Variants in MASP1 observed in about 807,000 individuals in gnomAD.
MASP1 encodes the protein mannan-binding lectin serine protease 1.
A neutral mutation model predicts 77.1 loss-of-function variants in MASP1; 59 were observed. The ratio of observed to expected loss-of-function variants is 0.77; its 90% CI spans 0.62 to 0.95. MASP1 has a LOEUF of 0.95. Among genes scored for constraint, MASP1 ranks in the 40% least tolerant of loss-of-function variants. The probability of loss-of-function intolerance (pLI) is 0.00; values close to 1 mark genes in which losing one functional copy is unlikely to be tolerated. For synonymous variants in MASP1, 362 were observed against 354.5 expected (o/e 1.02, Z -0.24); for missense variants, 885 against 912.9 (o/e 0.97, Z 0.39).
intron 4 of MASP1, among the ~76,000 whole-genome samples, 177 bp from the exon 5 acceptor site, chr3:187,257,037 C>T (rs903185966): frequency 3.9e-5 from 6 of 151,984 alleles, no homozygotes; most frequent in South Asian, 2.1e-4. Flanking sequence ...AGTAATTTAC[C>T]GAGCTGAGAT....
chr3:187,241,595 G>T, intron 9 of MASP1, 40 bp from the exon 10 acceptor site: 1 of 1,354,298 alleles, frequency 7.4e-7, no homozygotes, highest in Non-Finnish European at 1.1e-6. Context: ...GGGAGAAAAT[G>T]GTTGATTTGT....
chr3:187,287,790 G>T (rs1318212019), intron 1 of MASP1, among the ~76,000 whole-genome samples: 7 of 152,172 alleles, frequency 4.6e-5, no homozygotes, highest in Admixed American at 3.9e-4. Flanking sequence ...TGATATATTT[G>T]CTAATCAGGA....
At chr3:187,226,341 G>C in intron 12 of MASP1, 1 of 1,185,620 alleles carries the variant, frequency 8.4e-7, no homozygotes, top group East Asian at 2.5e-5. Flanking sequence ...GCCTTGGAAA[G>C]GGCCAGTAGG....
intron 13 of MASP1, chr3:187,223,261 G>A (rs1204072723): frequency 1.6e-6 from 2 of 1,232,832 alleles, no homozygotes; most frequent in African/African-American, 3.0e-5. Flanking sequence ...GGTGCAGCTT[G>A]CAGCTCCATC....
chr3:187,228,536 CTTG>C (rs1712572141), intron 11 of MASP1, among the ~76,000 whole-genome samples: 1 of 152,140 alleles, frequency 6.6e-6, no homozygotes, highest in African/African-American at 2.4e-5. Flanking sequence ...ACCTCCTCCT[CTTG>C]TTGTATTGTT....
Position 187,234,172 on chromosome 3 carries a change from T to A in MASP1, c.*1512A>T. 7.8e-7 allele frequency: 1 copy of A among 1,287,218 alleles called. No individual in the cohort carries two copies. The allele number at this position is 1,287,218 out of a possible 1,614,324, so 79.7% of individuals were successfully genotyped here. A position where few individuals can be genotyped will look rare whatever the true frequency, so the allele number is the denominator to read the frequency against. On this transcript the variant is annotated 3_prime_UTR_variant, in exon 11 of 11. Transcript: ENST00000296280. ...CTTTACAGAATGGTGAAGCATATGATATAAAAGATACAAAATATAACATCA... is the reference window on the plus strand; with the variant it reads ...CTTTACAGAATGGTGAAGCATATGAAATAAAAGATACAAAATATAACATCA...
chr3:187,232,379 T>C (rs1286084783), downstream of MASP1, among the ~76,000 whole-genome samples: 1 of 152,164 alleles, frequency 6.6e-6, no homozygotes, highest in South Asian at 2.1e-4. Context: ...CATGTGCTGA[T>C]GAACTTCAAA....
intron 3 of MASP1, 63 bp downstream of exon 3, chr3:187,262,480 A>T: frequency 1.3e-6 from 2 of 1,527,702 alleles, no homozygotes; most frequent in South Asian, 2.2e-5. Context: ...AGAGGTCACA[A>T]GGCAGTTTTC....
intron 14 of MASP1, among the ~76,000 whole-genome samples, chr3:187,221,615 A>G (rs1484544981): frequency 6.6e-6 from 1 of 152,220 alleles, no homozygotes; most frequent in Non-Finnish European, 1.5e-5. Context: ...TTGTACAAAG[A>G]GGAGAGGCAG....
chr3:187,259,360 T>C (rs1317266598), intron 4 of MASP1, among the ~76,000 whole-genome samples: 1 of 152,150 alleles, frequency 6.6e-6, no homozygotes, highest in Non-Finnish European at 1.5e-5. Flanking sequence ...CCAAGCATTC[T>C]CATGGGGGCG....
chr3:187,232,563 C>T (rs1479513203), downstream of MASP1, among the ~76,000 whole-genome samples: 1 of 152,126 alleles, frequency 6.6e-6, no homozygotes, highest in Admixed American at 6.6e-5. Context: ...ATGTCTGAAT[C>T]AATCACATCC....
intron 2 of MASP1, among the ~76,000 whole-genome samples, chr3:187,281,302 A>T (rs1375531317): frequency 6.6e-6 from 1 of 152,026 alleles, no homozygotes; most frequent in African/African-American, 2.4e-5. Context: ...ACTGATGAGC[A>T]GTATGAGCAG....
chr3:187,222,832 T>G (rs1712146818), intron 14 of MASP1, among the ~76,000 whole-genome samples: 1 of 152,184 alleles, frequency 6.6e-6, no homozygotes, highest in Admixed American at 6.5e-5. Flanking sequence ...ATTGTCACCA[T>G]GGGGGTGTCT....
At chr3:187,228,405 T>G (rs1363724132) in intron 11 of MASP1, among the ~76,000 whole-genome samples, 2 of 151,494 alleles carry the variant, frequency 1.3e-5, no homozygotes, top group African/African-American at 4.9e-5. Flanking sequence ...TGAAGCAGAG[T>G]CTTCCCTCCC....
intron 7 of MASP1, 121 bp from the exon 8 acceptor site, chr3:187,250,450 C>A: frequency 1.3e-6 from 1 of 790,916 alleles, no homozygotes; most frequent in Non-Finnish European, 2.3e-6. Context: ...GATTTTCCAC[C>A]CATGGGCTTC....
chr3:187,251,427 AAC>A, intron 7 of MASP1: 1 of 566,754 alleles, frequency 1.8e-6, no homozygotes, highest in Non-Finnish European at 3.1e-6. Context: ...AAAAAAAAAA[AAC>A]AAACTTTTGT....
chr3:187,286,480 C>G (rs893917726), intron 1 of MASP1, among the ~76,000 whole-genome samples: 2 of 152,120 alleles, frequency 1.3e-5, no homozygotes, highest in Non-Finnish European at 2.9e-5. Context: ...ATCTGTAGTA[C>G]CTTAAACAGA....
rs761065696 is a variant in MASP1 at position 187,260,864 on chromosome 3, C to T, written c.424G>A (p.Glu142Lys). 9.9e-6 allele frequency: 16 copies of T among 1,613,940 alleles called. No homozygotes were observed. In the Admixed American group the frequency reaches 1.7e-4, roughly 17 times the overall value. ...TCCTCGTCCTCCCTCTCCTTGCACT[C>T]GTCCACATCTGTAGGGCAGGTAAAG... The part of the protein sequence containing the change: ...DAHYMAVDVD[E>K]CKEREDEELS... The change falls in exon 4 of 11, where the codon GAG (glutamate) becomes AAG (lysine). Residue 142 changes from glutamate to lysine, a missense_variant. Physicochemically the swap from Glu to Lys is moderately conservative, Grantham distance 56 (BLOSUM62 1). Coordinates refer to ENST00000296280, the MANE Select transcript of MASP1 (RefSeq NM_139125.4).
At chr3:187,240,947 T>C (rs150061153) in intron 10 of MASP1, among the ~76,000 whole-genome samples, 1 of 152,374 alleles carries the variant, frequency 6.6e-6, no homozygotes, top group African/African-American at 2.4e-5. Context: ...ATACTTTTAA[T>C]GCTAAAGCAA....
Sources: allele counts gnomAD v4.1 joint callset (sites outside exome capture counted in the v4.1 genomes callset), GRCh38; gene constraint gnomAD v4.1.1; transcripts MANE v1.5; gene names NCBI Gene and HGNC (gene_info 2026-07-23, HGNC 2026-07-21).